Variants in AP2B1 observed in about 807,000 individuals in gnomAD.
The protein encoded by AP2B1 is AP-2 complex subunit beta.
In AP2B1, 23 loss-of-function variants were observed where a neutral mutation model predicts 102.0. The ratio of observed to expected loss-of-function variants is 0.23; its 90% CI spans 0.16 to 0.32. The LOEUF is 0.32. Among genes scored for constraint, AP2B1 ranks in the 10% least tolerant of loss-of-function variants. The pLI is 1.00. For missense variants in AP2B1, 541 were observed against 1,157.4 expected (o/e 0.47, Z 7.73); for synonymous variants, 381 against 421.2 (o/e 0.90, Z 1.17).
At chr17:35,594,147 A>G in intron 2 of AP2B1, 80 bp downstream of exon 2, 1 of 868,356 alleles carries the variant, frequency 1.2e-6, no homozygotes, top group Non-Finnish European at 1.8e-6. Flanking sequence ...AATGCTGCTG[A>G]CCTCTTCCTT....
intron 13 of AP2B1, among the ~76,000 whole-genome samples, chr17:35,651,970 A>C (rs1467671764): frequency 6.6e-6 from 1 of 152,154 alleles, no homozygotes. Context: ...TTCTGTTGTA[A>C]CTTCCCTCTG....
At chr17:35,642,255 C>T (rs1275541392) in intron 12 of AP2B1, among the ~76,000 whole-genome samples, 2 of 152,134 alleles carry the variant, frequency 1.3e-5, no homozygotes, top group South Asian at 2.1e-4. Flanking sequence ...ATGAAAATGA[C>T]GTGATCTGAT....
At chr17:35,710,347 T>G in intron 20 of AP2B1, 27 bp downstream of exon 20, 1 of 1,453,328 alleles carries the variant, frequency 6.9e-7, no homozygotes, top group Non-Finnish European at 9.6e-7. Context: ...AAATTTCAGT[T>G]TCATCTTAGT....
chr17:35,691,297 T>C (rs2076036482), intron 18 of AP2B1, among the ~76,000 whole-genome samples: 1 of 152,164 alleles, frequency 6.6e-6, no homozygotes, highest in African/African-American at 2.4e-5. Context: ...CTCCTACATG[T>C]AGTTCCAGCC....
At chr17:35,720,217 T>C (rs2085316225) in intron 21 of AP2B1, among the ~76,000 whole-genome samples, 1 of 152,094 alleles carries the variant, frequency 6.6e-6, no homozygotes, top group Non-Finnish European at 1.5e-5. Context: ...TAGATGCAGA[T>C]TCTCTGGTCA....
At chr17:35,610,876 C>T (rs969352613) in intron 5 of AP2B1, among the ~76,000 whole-genome samples, 3 of 147,098 alleles carry the variant, frequency 2.0e-5, no homozygotes, top group African/African-American at 5.1e-5. Flanking sequence ...CACTGCATTC[C>T]AGCCTGGGTG....
At chr17:35,673,059 C>A (rs1242866434) in intron 16 of AP2B1, among the ~76,000 whole-genome samples, 1 of 152,126 alleles carries the variant, frequency 6.6e-6, no homozygotes, top group African/African-American at 2.4e-5. Context: ...TTAATCACTC[C>A]TCTGTTGATG....
chr17:35,702,339 G>A (rs1340075533), intron 18 of AP2B1, among the ~76,000 whole-genome samples: 1 of 152,170 alleles, frequency 6.6e-6, no homozygotes, highest in Non-Finnish European at 1.5e-5. Flanking sequence ...AGGAGACAGG[G>A]AAAGAATCAT....
chr17:35,712,129 AT>A (rs1194666664), intron 20 of AP2B1, among the ~76,000 whole-genome samples: 2 of 151,844 alleles, frequency 1.3e-5, no homozygotes, highest in Admixed American at 1.3e-4. Flanking sequence ...GTAATAATTG[AT>A]TTTTTTCATT....
intron 5 of AP2B1, among the ~76,000 whole-genome samples, chr17:35,617,197 A>G (rs2074047800): frequency 1.3e-5 from 2 of 152,220 alleles, no homozygotes; most frequent in Admixed American, 6.5e-5. Context: ...CTGAGAGTAC[A>G]GGCACATGCC....
At chr17:35,694,958 C>A (rs138461440) in intron 18 of AP2B1, among the ~76,000 whole-genome samples, 1 of 152,060 alleles carries the variant, frequency 6.6e-6, no homozygotes, top group African/African-American at 2.4e-5. Flanking sequence ...TGCCTCTGCC[C>A]CCCTCTTCCC....
chr17:35,627,530 T>A (rs1459968284), intron 8 of AP2B1, 25 bp downstream of exon 8: 1 of 1,613,882 alleles, frequency 6.2e-7, no homozygotes, highest in East Asian at 2.2e-5. Flanking sequence ...AGACTCAAGT[T>A]GATGATGATT....
intron 3 of AP2B1, 61 bp from the exon 4 acceptor site, chr17:35,605,644 T>C: frequency 8.2e-7 from 1 of 1,223,546 alleles, no homozygotes; most frequent in Non-Finnish European, 1.2e-6. Flanking sequence ...TCATGTTCTG[T>C]CCAACAGCTT....
intron 3 of AP2B1, among the ~76,000 whole-genome samples, chr17:35,600,272 G>A (rs574194430): frequency 1.3e-5 from 2 of 151,930 alleles, no homozygotes; most frequent in East Asian, 3.9e-4. Context: ...TAGTAGAGAC[G>A]GGGTTTCACC....
chr17:35,627,453 T>C lies in AP2B1; in HGVS notation c.1007T>C (p.Leu336Pro). ...VKYNDPIYVK[L>P]EKLDIMIRLA... ...TACAATGATCCCATCTATGTTAAAC[T>C]AGAGAAGTTGGACATCATGATTCGT... Residue 336 changes from leucine to proline, a missense_variant, in exon 8 of 22, where the codon CTA becomes CCA. This residue lies in a region of AP2B1 where 134 missense variants were observed against 250.2 expected (regional missense o/e 0.54). Transcript: ENST00000610402. 4 of 1,614,066 alleles carry C rather than the reference T, an allele frequency of 2.5e-6. No individual in the cohort carries two copies. Among genetic ancestry groups the C allele is most frequent in the Non-Finnish European group, 3.4e-6 (4 of 1,179,994 alleles).
chr17:35,710,441 T>C, intron 20 of AP2B1, 121 bp downstream of exon 20: 3 of 674,048 alleles, frequency 4.5e-6, no homozygotes, highest in Non-Finnish European at 2.5e-6. Context: ...TTCTAGTGGG[T>C]ATATATGGTA....
chr17:35,723,770 T>G lies in AP2B1; in HGVS notation c.*71T>G. ...TCAAGAACTCTTAACTGGAAGAAAT[T>G]GTATTGCTGCGTAGAATCTGAACAC... is the stretch of plus-strand genomic sequence containing the variant. On this transcript the variant is annotated 3_prime_UTR_variant, in exon 22 of 22. Coordinates refer to ENST00000610402, the MANE Select transcript of AP2B1 (RefSeq NM_001030006.2). The G allele has an allele frequency of 8.7e-7, 1 of 1,148,564 alleles. No individual in the cohort carries two copies. The highest frequency in any genetic ancestry group is 1.2e-5 in the South Asian group (1 of 80,746). The allele number at this position is 1,148,564 out of a possible 1,614,324, so 71.1% of individuals were successfully genotyped here.
intron 14 of AP2B1, among the ~76,000 whole-genome samples, chr17:35,663,653 G>C (rs2075403168): frequency 6.6e-6 from 1 of 152,230 alleles, no homozygotes; most frequent in Non-Finnish European, 1.5e-5. Context: ...TTGTCTTGCA[G>C]TGTCAGTCTT....
chr17:35,720,568 TATATA>T (rs199904474), intron 21 of AP2B1, among the ~76,000 whole-genome samples: 42 of 54,344 alleles, frequency 7.7e-4, no homozygotes, highest in East Asian at 3.9e-3. Flanking sequence ...TATATATATA[TATATA>T]TTTTTTTTTT....
Sources: gnomAD v4.1 joint callset for allele counts (sites outside exome capture counted in the v4.1 genomes callset) on GRCh38, gnomAD v4.1.1 for gene constraint, gnomAD v4.1.1 regional missense constraint, MANE v1.5 for transcripts, NCBI Gene and HGNC (gene_info 2026-07-23, HGNC 2026-07-21) for gene names.